The following SORCS2 variants were observed in gnomAD, a reference collection of about 807,000 sequenced individuals.
SORCS2 encodes the protein sortilin related VPS10 domain containing receptor 2, also known as VPS10 domain-containing receptor SorCS2.
A neutral mutation model predicts 141.6 loss-of-function variants in SORCS2; 100 were observed. That is an observed-to-expected ratio of 0.71 (90% CI 0.60 to 0.83). The LOEUF (loss-of-function observed/expected upper bound fraction) is 0.83, where lower values mean the gene tolerates loss of function less well. SORCS2 is among the 40% of genes least tolerant of loss of function. SORCS2 has a pLI of 0.00. For synonymous variants in SORCS2, 789 were observed against 676.9 expected (o/e 1.17, Z -2.57); for missense variants, 1,646 against 1,560.2 (o/e 1.05, Z -0.93).
intron 2 of SORCS2, among the ~76,000 whole-genome samples, chr4:7,490,058 G>T (rs1340918823): frequency 6.6e-6 from 1 of 152,226 alleles, no homozygotes; most frequent in Non-Finnish European, 1.5e-5. Context: ...AAGGGCACAA[G>T]ATCACAGGCC....
intron 3 of SORCS2, among the ~76,000 whole-genome samples, chr4:7,552,720 G>A (rs760906412): frequency 7.9e-5 from 12 of 152,054 alleles, no homozygotes; most frequent in Non-Finnish European, 1.8e-4. Context: ...CTGGTCCTGG[G>A]ACAACTAGAT....
At chr4:7,548,940 C>G (rs920693883) in intron 3 of SORCS2, among the ~76,000 whole-genome samples, 2 of 152,198 alleles carry the variant, frequency 1.3e-5, no homozygotes, top group Non-Finnish European at 2.9e-5. Flanking sequence ...ATGCCCCATT[C>G]CCGAGGCATC....
intron 14 of SORCS2, among the ~76,000 whole-genome samples, chr4:7,711,839 G>A (rs1350279777): frequency 1.3e-5 from 2 of 152,220 alleles, no homozygotes; most frequent in Non-Finnish European, 2.9e-5. Context: ...ACCCATGGAT[G>A]CCGCAGGGTG....
At chr4:7,547,698 A>T (rs1021653414) in intron 3 of SORCS2, among the ~76,000 whole-genome samples, 2 of 152,020 alleles carry the variant, frequency 1.3e-5, no homozygotes, top group African/African-American at 4.8e-5. Flanking sequence ...CAGTCACGGG[A>T]TCTCTGCTCT....
intron 18 of SORCS2, among the ~76,000 whole-genome samples, chr4:7,723,130 T>C (rs1726708797): frequency 6.6e-6 from 1 of 152,056 alleles, no homozygotes; most frequent in Admixed American, 6.5e-5. Context: ...GGGATGGCAG[T>C]TGGTGGGAGC....
chr4:7,548,128 T>A (rs1358901470), intron 3 of SORCS2, among the ~76,000 whole-genome samples: 1 of 152,210 alleles, frequency 6.6e-6, no homozygotes, highest in East Asian at 1.9e-4. Context: ...TTGGTTAGAA[T>A]TGCTGGGCTG....
chr4:7,355,547 C>T (rs867503623), intron 1 of SORCS2, among the ~76,000 whole-genome samples: 6 of 152,144 alleles, frequency 3.9e-5, no homozygotes, highest in Non-Finnish European at 8.8e-5. Flanking sequence ...CACCGCGTGG[C>T]TCTGCCGTCC....
chr4:7,316,974 A>G (rs1718601487), intron 1 of SORCS2, among the ~76,000 whole-genome samples: 1 of 152,088 alleles, frequency 6.6e-6, no homozygotes, highest in South Asian at 2.1e-4. Context: ...ACAGACTTCC[A>G]CAAGTTCTGA....
Position 7,594,495 on chromosome 4 carries a change from C to G in SORCS2, c.649-43833C>G, listed in dbSNP as rs554881554. On this transcript the variant is annotated intron_variant, in intron 3 of 26. Coordinates refer to ENST00000507866, the MANE Select transcript of SORCS2 (RefSeq NM_020777.3). ...GGCCTGCTCCCCTCCTTGGCACTGT[C>G]CTGCCTGCTCCGGGGTGGGTGTGAG... Among the ~76,000 whole-genome samples the G allele has an allele frequency of 3.3e-5, 5 of 152,340 alleles. No individual in the cohort carries two copies. The South Asian group carries it at 1.0e-3, about 32-fold the overall frequency.
chr4:7,294,490 C>T (rs545010960), intron 1 of SORCS2, among the ~76,000 whole-genome samples: 10 of 152,018 alleles, frequency 6.6e-5, no homozygotes, highest in African/African-American at 2.4e-4. Flanking sequence ...GTGCAGAGCA[C>T]CTGCCCCAGG....
At chr4:7,694,411 C>T (rs867760245) in intron 11 of SORCS2, among the ~76,000 whole-genome samples, 2 of 152,200 alleles carry the variant, frequency 1.3e-5, no homozygotes, top group South Asian at 2.1e-4. Context: ...TTCCGTGAAT[C>T]GCTCCTTCTT....
intron 1 of SORCS2, among the ~76,000 whole-genome samples, chr4:7,262,258 C>T (rs555037622): frequency 8.7e-5 from 13 of 149,084 alleles, no homozygotes; most frequent in African/African-American, 3.2e-4. Flanking sequence ...ATCCACCCAC[C>T]TATCCATCCA....
chr4:7,246,919 C>G (rs1291689466), intron 1 of SORCS2, among the ~76,000 whole-genome samples: 1 of 152,222 alleles, frequency 6.6e-6, no homozygotes, highest in African/African-American at 2.4e-5. Flanking sequence ...GTCCTCCCTC[C>G]GTCCAGGCTC....
At chr4:7,501,820 T>C (rs556332351) in intron 2 of SORCS2, among the ~76,000 whole-genome samples, 6 of 152,350 alleles carry the variant, frequency 3.9e-5, no homozygotes, top group Admixed American at 6.5e-5. Flanking sequence ...ATTATGTACC[T>C]GACAGCAGGA....
rs139074855 is a variant in SORCS2, at chr4:7,610,290, G to A, written c.649-28038G>A. On this transcript the variant is annotated intron_variant, in intron 3 of 26. Coordinates refer to ENST00000507866, the MANE Select transcript of SORCS2 (RefSeq NM_020777.3). ...GTGTCCTCTCCACACGTGAGATGCT[G>A]GTGTCAAGTTGCCAGTTAAATGAGG... Among the ~76,000 whole-genome samples, 29 of 152,294 alleles carry A rather than the reference G, an allele frequency of 1.9e-4. No homozygotes were observed. In the East Asian group the frequency reaches 5.6e-3, roughly 29 times the overall value.
chr4:7,550,744 T>A (rs1025123063), intron 3 of SORCS2, among the ~76,000 whole-genome samples: 6 of 152,186 alleles, frequency 3.9e-5, no homozygotes, highest in African/African-American at 7.2e-5. Flanking sequence ...GGGGAGAGGT[T>A]ATCCTTCACG....
intron 2 of SORCS2, among the ~76,000 whole-genome samples, chr4:7,497,416 A>C (rs12640530): frequency 0.82 from 124,734 of 152,060 alleles, 52,848 homozygotes; most frequent in South Asian, 0.96. Context: ...GTCCCCTCCC[A>C]AACCCACACC....
chr4:7,667,528 C>T (rs781011521), intron 8 of SORCS2, among the ~76,000 whole-genome samples: 27 of 152,184 alleles, frequency 1.8e-4, no homozygotes, highest in Non-Finnish European at 3.2e-4. Flanking sequence ...GCCCCCCAGG[C>T]GGGCCCAGTC....
At chr4:7,453,354 G>C (rs1728616729) in intron 2 of SORCS2, among the ~76,000 whole-genome samples, 1 of 133,822 alleles carries the variant, frequency 7.5e-6, no homozygotes, top group Non-Finnish European at 1.6e-5. Flanking sequence ...CACTGTGCTG[G>C]GGTCAGGAGC....
Sources: gnomAD v4.1 joint callset for allele counts (sites outside exome capture counted in the v4.1 genomes callset) on GRCh38, gnomAD v4.1.1 for gene constraint, MANE v1.5 for transcripts, NCBI Gene and HGNC (gene_info 2026-07-23, HGNC 2026-07-21) for gene names.